The following HAPLN1 variants were observed in gnomAD, a reference collection of about 807,000 sequenced individuals.
HAPLN1 encodes Cartilage link protein.
In HAPLN1, 13 loss-of-function variants were observed where a neutral mutation model predicts 36.5. The observed-to-expected ratio is 0.36, with a 90% CI of 0.23 to 0.57. The LOEUF (loss-of-function observed/expected upper bound fraction) is 0.57, where lower values mean the gene tolerates loss of function less well. Ranked by LOEUF, HAPLN1 falls within the 20% of genes least tolerant of loss-of-function variation. The probability of loss-of-function intolerance (pLI) is 0.83; values close to 1 mark genes in which losing one functional copy is unlikely to be tolerated. For synonymous variants in HAPLN1, 202 were observed against 169.8 expected, an observed-to-expected ratio of 1.19 and a Z score of -1.48; for missense variants, 407 against 439.7, an observed-to-expected ratio of 0.93 and a Z score of 0.66.
chr5:83,652,614 G>GT lies in HAPLN1; in HGVS notation c.310dup (p.Thr104AsnfsTer8), dbSNP rs1561302644. The GT allele has an allele frequency of 6.2e-7, 1 of 1,613,970 alleles. No homozygotes were observed. The highest frequency in any genetic ancestry group is 8.5e-7 in the Non-Finnish European group (1 of 1,179,962). On this transcript the variant is annotated frameshift_variant, in exon 3 of 5. Transcript: ENST00000274341. LOFTEE classifies it high-confidence loss of function. The stretch of plus-strand genomic sequence containing the variant: ...CACTCTACCCTGGTAGCCTCCATAG[G>GT]TTTTTTTGTGGTATCCCATGGAAAC...
chr5:83,664,503 C>A lies in HAPLN1; in HGVS notation c.100+8921G>T, dbSNP rs80062258. Reference sequence around the variant, plus strand: ...GTTCAAGCGATTTTCCTGCTTCGGCCTTCCAAGCAGCTGGGACTACAGGCA... The same window carrying A: ...GTTCAAGCGATTTTCCTGCTTCGGCATTCCAAGCAGCTGGGACTACAGGCA... On this transcript the variant is annotated intron_variant, in intron 2 of 4. Coordinates refer to ENST00000274341, the MANE Select transcript of HAPLN1 (RefSeq NM_001884.4). Among the ~76,000 whole-genome samples the A allele has an allele frequency of 3.0e-4, 45 of 152,202 alleles. 1 individual carries two copies. In the East Asian group the frequency reaches 8.1e-3, roughly 28 times the overall value.
In HAPLN1 at chr5:83,703,884, G is replaced by A. The variant is rs949359968; in HGVS notation, c.-27+16905C>T. Among the ~76,000 whole-genome samples, 4 of 151,770 alleles carry A rather than the reference G, an allele frequency of 2.6e-5. No homozygotes were observed. The South Asian group carries it at 8.4e-4, about 32-fold the overall frequency. ...CCCAGAGAGGCCATAGTTGACTTCA[G>A]GAAATACAGAGAACCCCTGCAAGTT... On this transcript the variant is annotated intron_variant, in intron 1 of 4. Transcript: ENST00000274341.
intron 1 of HAPLN1, among the ~76,000 whole-genome samples, chr5:83,706,462 A>G (rs1214150246): frequency 6.6e-6 from 1 of 152,244 alleles, no homozygotes; most frequent in African/African-American, 2.4e-5. Flanking sequence ...TCACATAAAC[A>G]GAACTAAAGA....
intron 2 of HAPLN1, among the ~76,000 whole-genome samples, chr5:83,654,563 G>C (rs1434146038): frequency 1.3e-5 from 2 of 152,182 alleles, no homozygotes; most frequent in Non-Finnish European, 2.9e-5. Flanking sequence ...AATGCCTGAG[G>C]GTCATAGGGA....
intron 1 of HAPLN1, among the ~76,000 whole-genome samples, chr5:83,705,386 A>C (rs2891997): frequency 1.6e-5 from 1 of 60,706 alleles, no homozygotes; most frequent in Admixed American, 2.0e-4. Flanking sequence ...GTGAAACGTC[A>C]CAAAAAAAAA....
intron 1 of HAPLN1, among the ~76,000 whole-genome samples, chr5:83,712,332 T>A (rs913019724): frequency 1.3e-5 from 2 of 152,176 alleles, no homozygotes; most frequent in Non-Finnish European, 2.9e-5. Context: ...GATTATTTTG[T>A]TTTATCGTTA....
chr5:83,716,313 A>T (rs1751911034), intron 1 of HAPLN1, among the ~76,000 whole-genome samples: 1 of 152,182 alleles, frequency 6.6e-6, no homozygotes, highest in East Asian at 1.9e-4. Flanking sequence ...CAGAAGGGAA[A>T]ATTTCTGTTG....
At chr5:83,655,346 C>T (rs571993612) in intron 2 of HAPLN1, among the ~76,000 whole-genome samples, 96 of 152,194 alleles carry the variant, frequency 6.3e-4, no homozygotes, top group African/African-American at 2.0e-3. Flanking sequence ...GTGTAGGTTT[C>T]TGATTTTGTT....
chr5:83,719,317 T>C (rs1008844534), intron 1 of HAPLN1, among the ~76,000 whole-genome samples: 1 of 152,234 alleles, frequency 6.6e-6, no homozygotes, highest in African/African-American at 2.4e-5. Context: ...ATTCCTCCTG[T>C]AGAGCAGTGG....
intron 3 of HAPLN1, 138 bp downstream of exon 3, chr5:83,652,315 A>G (rs1750088464): frequency 1.2e-6 from 1 of 814,056 alleles, no homozygotes; most frequent in South Asian, 2.0e-5. Flanking sequence ...ACTGTAGAAT[A>G]CAAAAGAATA....
chr5:83,648,019 GT>G (rs770251961), intron 3 of HAPLN1, among the ~76,000 whole-genome samples: 13 of 152,090 alleles, frequency 8.5e-5, no homozygotes, highest in Non-Finnish European at 1.9e-4. Context: ...TAAATGTCAT[GT>G]TTTTCATATC....
At chr5:83,656,205 A>G (rs1159420066) in intron 2 of HAPLN1, among the ~76,000 whole-genome samples, 3 of 151,402 alleles carry the variant, frequency 2.0e-5, no homozygotes, top group African/African-American at 7.3e-5. Flanking sequence ...GCGTGTGCCT[A>G]TAGTCCCAGC....
At chr5:83,710,893 A>G (rs1380020484) in intron 1 of HAPLN1, among the ~76,000 whole-genome samples, 2 of 152,080 alleles carry the variant, frequency 1.3e-5, no homozygotes, top group African/African-American at 4.8e-5. Flanking sequence ...AGAGGTTTCA[A>G]TGAGCTGTGA....
rs950446955 is a variant in HAPLN1 at position 83,671,338 on chromosome 5, A to G, written c.100+2086T>C. ...TCACTAACAGAAGCTCATACTGCTT[A>G]TCAGTACCATTCAAGAATCTGAGAT... On this transcript the variant is annotated intron_variant, in intron 2 of 4. Coordinates refer to ENST00000274341, the MANE Select transcript of HAPLN1 (RefSeq NM_001884.4). 2.6e-5 allele frequency among the ~76,000 whole-genome samples: 4 copies of G among 152,236 alleles called. No individual in the cohort carries two copies. In the South Asian group the frequency reaches 6.2e-4, roughly 24 times the overall value.
intron 2 of HAPLN1, among the ~76,000 whole-genome samples, chr5:83,655,880 GAATT>G (rs1750196834): frequency 6.6e-6 from 1 of 152,110 alleles, no homozygotes; most frequent in Non-Finnish European, 1.5e-5. Context: ...GAAACACACT[GAATT>G]AGACAGGGAA....
intron 3 of HAPLN1, among the ~76,000 whole-genome samples, chr5:83,645,753 T>C (rs2112556505): frequency 6.6e-6 from 1 of 152,292 alleles, no homozygotes; most frequent in East Asian, 1.9e-4. Flanking sequence ...TTTTTTTCCC[T>C]GCCCTTAAAT....
intron 1 of HAPLN1, among the ~76,000 whole-genome samples, chr5:83,685,448 C>T (rs896744559): frequency 2.0e-5 from 3 of 152,100 alleles, no homozygotes; most frequent in African/African-American, 7.2e-5. Flanking sequence ...CTGCAAACTT[C>T]TAGATATTAG....
intron 1 of HAPLN1, chr5:83,682,479 A>G (rs1315221115): frequency 6.6e-6 from 1 of 152,182 alleles, no homozygotes; most frequent in Non-Finnish European, 1.5e-5. Context: ...AATAAAAATA[A>G]TATATTAATG....
At chr5:83,711,094 C>T (rs944785355) in intron 1 of HAPLN1, among the ~76,000 whole-genome samples, 5 of 152,034 alleles carry the variant, frequency 3.3e-5, no homozygotes, top group African/African-American at 7.2e-5. Flanking sequence ...CTGGGCTCTT[C>T]GAGGTAAAGG....
Sources: allele counts gnomAD v4.1 joint callset (sites outside exome capture counted in the v4.1 genomes callset), GRCh38; gene constraint gnomAD v4.1.1; transcripts MANE v1.5; gene names NCBI Gene and HGNC (gene_info 2026-07-23, HGNC 2026-07-21).